Variants in PTPRG observed in about 807,000 individuals in gnomAD.
The protein encoded by PTPRG is protein tyrosine phosphatase receptor type G, also known as receptor-type tyrosine-protein phosphatase gamma.
PTPRG carries 102 observed loss-of-function variants against 165.3 expected under a neutral mutation model. That is an observed-to-expected ratio of 0.62 (90% CI 0.53 to 0.73). PTPRG has a LOEUF of 0.73. Ranked by LOEUF, PTPRG falls within the 30% of genes least tolerant of loss-of-function variation. PTPRG has a pLI of 0.00. For missense variants in PTPRG, 1,866 were observed against 1,861.4 expected, an observed-to-expected ratio of 1.00 and a Z score of -0.05; for synonymous variants, 675 against 669.5, an observed-to-expected ratio of 1.01 and a Z score of -0.13.
In PTPRG at chr3:62,203,805, G is replaced by T. The variant is rs1442351334; in HGVS notation, c.2010G>T (p.Met670Ile). 1 of 1,613,754 alleles carries T rather than the reference G, an allele frequency of 6.2e-7. No individual in the cohort carries two copies. The highest frequency in any genetic ancestry group is 1.7e-5 in the Admixed American group (1 of 59,954). ...CCGGCCCAGGCCTGGACCCCGACAT[G>T]GTCACCTCCACCCAAGTGCCCCCCA... is the stretch of plus-strand genomic sequence containing the variant. ...RDAGPGLDPD[M>I]VTSTQVPPTA... The change falls in exon 12 of 30, where the codon ATG becomes ATT. Residue 670 changes from methionine to isoleucine, a missense_variant. By Grantham distance (10) the Met-to-Ile change is conservative (BLOSUM62 1). This residue lies in a region of PTPRG where 1,452 missense variants were observed against 1,463.0 expected (regional missense o/e 0.99). Transcript: ENST00000474889. This position sits in a 1 kb window ranked among gnomAD's most constrained non-coding sequence, Gnocchi z 6.4.
chr3:61,927,998 G>A (rs2039266587), intron 2 of PTPRG, among the ~76,000 whole-genome samples: 1 of 152,142 alleles, frequency 6.6e-6, no homozygotes, highest in Non-Finnish European at 1.5e-5. Context: ...TGATTTTCCT[G>A]TACCGGTCAC....
chr3:62,151,877 A>T (rs887182860), intron 6 of PTPRG, among the ~76,000 whole-genome samples: 1 of 152,086 alleles, frequency 6.6e-6, no homozygotes, highest in Non-Finnish European at 1.5e-5. Flanking sequence ...CTCTCACCTG[A>T]TGTTAACTCA....
chr3:61,898,922 GT>G (rs1038141380), intron 2 of PTPRG, among the ~76,000 whole-genome samples: 9 of 152,062 alleles, frequency 5.9e-5, no homozygotes, highest in African/African-American at 1.4e-4. Context: ...CTGTCTGTCT[GT>G]TTAGAGACAG....
At chr3:61,940,858 G>A (rs1012457676) in intron 2 of PTPRG, among the ~76,000 whole-genome samples, 1 of 151,986 alleles carries the variant, frequency 6.6e-6, no homozygotes, top group Non-Finnish European at 1.5e-5. Flanking sequence ...TAGAGATGGG[G>A]TTTCACCGTG....
At chr3:62,114,326 A>C (rs546357198) in intron 5 of PTPRG, among the ~76,000 whole-genome samples, 3 of 152,188 alleles carry the variant, frequency 2.0e-5, no homozygotes, top group East Asian at 1.9e-4. Context: ...CAAAAAAAAA[A>C]CGTAGATTTC....
At chr3:61,893,415 C>T (rs2038269288) in intron 2 of PTPRG, among the ~76,000 whole-genome samples, 1 of 152,158 alleles carries the variant, frequency 6.6e-6, no homozygotes. Context: ...GTCAATATCT[C>T]TTTTTAGCAT....
chr3:61,742,538 C>T (rs2033034766), intron 1 of PTPRG: 4 of 1,595,710 alleles, frequency 2.5e-6, no homozygotes, highest in African/African-American at 1.3e-5. Context: ...AGCAATGACA[C>T]CAAGAAGTTG....
chr3:62,120,911 G>T (rs1318737026), intron 5 of PTPRG, among the ~76,000 whole-genome samples: 1 of 151,988 alleles, frequency 6.6e-6, no homozygotes, highest in Admixed American at 6.6e-5. Flanking sequence ...TACCAGCAGG[G>T]CATGCCTGCT....
At chr3:61,709,347 C>T (rs530785759) in intron 1 of PTPRG, among the ~76,000 whole-genome samples, 65 of 152,180 alleles carry the variant, frequency 4.3e-4, no homozygotes, top group African/African-American at 1.4e-3. Context: ...TGGGGTCTCG[C>T]TCTGTCACCC....
intron 2 of PTPRG, among the ~76,000 whole-genome samples, chr3:61,956,293 C>G (rs948686320): frequency 9.8e-6 from 1 of 102,144 alleles, no homozygotes; most frequent in Admixed American, 8.7e-5. Context: ...CTCTCTCTCT[C>G]TCACACACAC....
At chr3:61,825,610 A>T (rs1490220883) in intron 2 of PTPRG, among the ~76,000 whole-genome samples, 4 of 152,046 alleles carry the variant, frequency 2.6e-5, no homozygotes, top group Non-Finnish European at 5.9e-5. Flanking sequence ...AGACCAAGAT[A>T]AGGTCTTAGT....
intron 5 of PTPRG, among the ~76,000 whole-genome samples, chr3:62,087,860 GTTC>G (rs1366013366): frequency 2.0e-5 from 3 of 152,120 alleles, no homozygotes; most frequent in Non-Finnish European, 2.9e-5. Context: ...TTAAAATTAT[GTTC>G]TTCTTTTTGT....
At chr3:62,278,299 A>G (rs1263618135) in intron 26 of PTPRG, among the ~76,000 whole-genome samples, 1 of 151,880 alleles carries the variant, frequency 6.6e-6, no homozygotes, top group African/African-American at 2.4e-5. Flanking sequence ...TTCCCACTCC[A>G]TAGGCAAGTC....
In PTPRG at chr3:62,048,706, A is replaced by G. The variant is rs1457575324; in HGVS notation, c.520-29457A>G. Among the ~76,000 whole-genome samples the G allele has an allele frequency of 2.6e-5, 4 of 152,226 alleles. No individual in the cohort carries two copies. The East Asian group carries it at 5.8e-4, about 22-fold the overall frequency. ...GTGCTATTAGCAGACTATTGTCTTC[A>G]GAAAATCCTAGTGGTCCTTTATTCT... On this transcript the variant is annotated intron_variant, in intron 4 of 29. Coordinates refer to ENST00000474889, the MANE Select transcript of PTPRG (RefSeq NM_002841.4).
chr3:61,826,721 C>G (rs565435240), intron 2 of PTPRG, among the ~76,000 whole-genome samples: 23 of 152,182 alleles, frequency 1.5e-4, no homozygotes, highest in African/African-American at 5.5e-4. Flanking sequence ...CCTTTATAGC[C>G]CTTTTTGTAA....
At chr3:61,796,936 T>C (rs1179240549) in intron 2 of PTPRG, among the ~76,000 whole-genome samples, 2 of 152,222 alleles carry the variant, frequency 1.3e-5, no homozygotes, top group Non-Finnish European at 2.9e-5. Flanking sequence ...TATGTTTTCA[T>C]GAAACCATTG....
chr3:62,084,337 G>A (rs756482074), intron 5 of PTPRG, among the ~76,000 whole-genome samples: 108 of 152,258 alleles, frequency 7.1e-4, no homozygotes, highest in Middle Eastern at 3.4e-3. Flanking sequence ...TCCTTCTACT[G>A]GGAGAGTTGA....
chr3:62,011,680 TTAAG>T (rs143396003), intron 4 of PTPRG, among the ~76,000 whole-genome samples: 1,832 of 152,312 alleles, frequency 0.012, 46 homozygotes, highest in East Asian at 0.09. Context: ...CCTGTGTTAA[TTAAG>T]AGGAACATGT....
chr3:62,293,186 C>T lies in PTPRG; in HGVS notation c.4217C>T (p.Ala1406Val). The change falls in exon 30 of 30, where the codon GCA becomes GTA. Residue 1406 changes from alanine (A) to valine (V), a missense_variant. Physicochemically the swap from Ala to Val is moderately conservative, Grantham distance 64. Transcript: ENST00000474889. ...GAACAATACCAGTTCATCTATAAAG[C>T]AATGCTTAGCTTGGTCAGCACTAAA... ...DIEQYQFIYK[A>V]MLSLVSTKEN... 1 of 1,602,312 alleles carries T rather than the reference C, an allele frequency of 6.2e-7. No homozygotes were observed. The highest frequency in any genetic ancestry group is 8.5e-7 in the Non-Finnish European group (1 of 1,176,194).
Sources: gnomAD v4.1 joint callset for allele counts (sites outside exome capture counted in the v4.1 genomes callset) on GRCh38, gnomAD v4.1.1 for gene constraint, gnomAD v4.1.1 regional missense constraint, Gnocchi (gnomAD v3.1) non-coding constraint, MANE v1.5 for transcripts, NCBI Gene and HGNC (gene_info 2026-07-23, HGNC 2026-07-21) for gene names.